Variants in MOV10L1 observed in about 807,000 individuals in gnomAD.
The protein encoded by MOV10L1 is RNA helicase Mov10l1.
Under a neutral mutation model 143.8 loss-of-function variants are expected in MOV10L1, and 110 were observed. That is an observed-to-expected ratio of 0.76 (90% CI 0.66 to 0.90). MOV10L1 has a LOEUF of 0.90. MOV10L1 is among the 40% of genes least tolerant of loss of function. MOV10L1 has a pLI of 0.00. For synonymous variants in MOV10L1, 593 were observed against 581.1 expected, an observed-to-expected ratio of 1.02 and a Z score of -0.29; for missense variants, 1,406 against 1,526.8, an observed-to-expected ratio of 0.92 and a Z score of 1.32.
At chr22:50,134,425 G>A (rs1164658717) in intron 14 of MOV10L1, 105 bp from the exon 15 acceptor site, 67 of 832,484 alleles carry the variant, frequency 8.0e-5, no homozygotes, top group South Asian at 1.3e-4. Flanking sequence ...AGAAAGGAAG[G>A]GAATAGAATA....
chr22:50,108,035 A>G (rs1275874464), intron 3 of MOV10L1, 101 bp from the exon 4 acceptor site: 2 of 1,064,982 alleles, frequency 1.9e-6, no homozygotes, highest in South Asian at 1.4e-5. Flanking sequence ...TAAATGTTCA[A>G]ATGTATCCTC....
rs1407656848 is a variant in MOV10L1, at chr22:50,090,077, C to T, written c.-12C>T. 1.0e-5 allele frequency: 13 copies of T among 1,252,858 alleles called. No individual in the cohort carries two copies. The highest frequency in any genetic ancestry group is 1.7e-5 in the African/African-American group (1 of 60,606). The allele number at this position is 1,252,858 out of a possible 1,614,324, so 77.6% of individuals were successfully genotyped here. A position where few individuals can be genotyped will look rare whatever the true frequency, so the allele number is the denominator to read the frequency against. ...CAGCGGCGGTGACGGCAGCCTAGGC[C>T]GGGCGAGGGCCATGCTGAGCCTCGC... is the stretch of plus-strand genomic sequence containing the variant. On this transcript the variant is annotated 5_prime_UTR_variant, in exon 1 of 27. Coordinates refer to ENST00000262794, the MANE Select transcript of MOV10L1 (RefSeq NM_018995.3).
intron 5 of MOV10L1, among the ~76,000 whole-genome samples, chr22:50,111,658 C>T (rs780743657): frequency 5.9e-5 from 9 of 151,966 alleles, no homozygotes; most frequent in Non-Finnish European, 1.2e-4. Flanking sequence ...CACCTGCCAC[C>T]ATGCCTGGCT....
At position 50,160,968 on chromosome 22, in the gene MOV10L1, C is replaced by T. The variant is rs2063545987; in HGVS notation, c.3467C>T (p.Pro1156Leu). The T allele has an allele frequency of 6.2e-7, 1 of 1,614,040 alleles. No homozygotes were observed. The highest frequency in any genetic ancestry group is 1.1e-5 in the South Asian group (1 of 91,082). The change falls in exon 26 of 27, where the codon CCC (proline) becomes CTC (leucine). Residue 1156 changes from proline (P) to leucine (L), a missense_variant. Around this residue, in one of 3 missense-constraint regions of MOV10L1, gnomAD observed 1,233 missense variants for 1,351.4 expected, o/e 0.91. Transcript: ENST00000262794. ...GCTAATTGTTATTGCCAACAGGACC[C>T]CTGTTTTGGTGCTTTGCTGGAATAC... ...LGNPHVLVRDPCFGALLEYSI... is the reference protein window; with the variant it reads ...LGNPHVLVRDLCFGALLEYSI...
At chr22:50,157,308 C>T (rs2063451500) in intron 22 of MOV10L1, among the ~76,000 whole-genome samples, 1 of 152,148 alleles carries the variant, frequency 6.6e-6, no homozygotes, top group African/African-American at 2.4e-5. Context: ...TTGTTGATTG[C>T]GTCCGTTGAT....
chr22:50,154,807 A>G (rs1483746353), intron 22 of MOV10L1, among the ~76,000 whole-genome samples: 3 of 152,188 alleles, frequency 2.0e-5, no homozygotes, highest in African/African-American at 7.2e-5. Flanking sequence ...TCATTATGTA[A>G]TATCCTTCCA....
chr22:50,117,902 C>T (rs138223), intron 9 of MOV10L1, among the ~76,000 whole-genome samples: 31,755 of 152,022 alleles, frequency 0.21, 4,099 homozygotes, highest in Non-Finnish European at 0.29. Context: ...TTCACATCCA[C>T]GTGTTCTCTT....
rs13058235 is a variant in MOV10L1, at chr22:50,090,068, A to G, written c.-21A>G. Reference sequence around the variant, plus strand: ...GGGCGGCGGCAGCGGCGGTGACGGCAGCCTAGGCCGGGCGAGGGCCATGCT... The same window carrying G: ...GGGCGGCGGCAGCGGCGGTGACGGCGGCCTAGGCCGGGCGAGGGCCATGCT... On this transcript the variant is annotated 5_prime_UTR_variant, in exon 1 of 27. Transcript: ENST00000262794. The G allele has an allele frequency of 8.7e-4, 1,078 of 1,240,458 alleles. 3 individuals are homozygous for G. The highest frequency in any genetic ancestry group is 2.6e-3 in the Middle Eastern group (9 of 3,438). 76.8% of individuals were successfully genotyped at this position (1,240,458 alleles called of 1,614,324 possible).
chr22:50,117,249 A>G lies in MOV10L1; in HGVS notation c.1352A>G (p.Glu451Gly), dbSNP rs748778940. ...GAAGTAAATGTTATCAGTGGGGAGG[A>G]GTCACTAATTGCTGCGCGCGAACCA... ...YLEVNVISGE[E>G]SLIAAREPFS... Residue 451 changes from glutamate to glycine, a missense_variant, in exon 9 of 27, where the codon GAG becomes GGG. Around this residue, in one of 3 missense-constraint regions of MOV10L1, gnomAD observed 1,233 missense variants for 1,351.4 expected, o/e 0.91. Coordinates refer to ENST00000262794, the MANE Select transcript of MOV10L1 (RefSeq NM_018995.3). 1.2e-6 allele frequency: 2 copies of G among 1,614,060 alleles called. No homozygotes were observed. The highest frequency in any genetic ancestry group is 3.3e-5 in the Admixed American group (2 of 60,000).
intron 22 of MOV10L1, among the ~76,000 whole-genome samples, chr22:50,154,235 C>T (rs1427359213): frequency 1.3e-5 from 2 of 152,098 alleles, no homozygotes; most frequent in Non-Finnish European, 2.9e-5. Flanking sequence ...TAGCTCTGCC[C>T]ATCCTCAGAA....
intron 19 of MOV10L1, among the ~76,000 whole-genome samples, chr22:50,146,706 C>T (rs1383716783): frequency 1.3e-5 from 2 of 152,030 alleles, no homozygotes; most frequent in Non-Finnish European, 2.9e-5. Flanking sequence ...TCACGGTGGT[C>T]GTGAGGGTGA....
intron 24 of MOV10L1, 99 bp from the exon 25 acceptor site, chr22:50,160,589 C>A: frequency 7.0e-7 from 1 of 1,423,366 alleles, no homozygotes. Context: ...GGTCATTCTG[C>A]TATTTAACAT....
intron 4 of MOV10L1, 85 bp from the exon 5 acceptor site, chr22:50,108,572 T>C: frequency 6.8e-7 from 1 of 1,462,930 alleles, no homozygotes; most frequent in Non-Finnish European, 9.4e-7. Flanking sequence ...CTTGTGTGCT[T>C]TGGGCTGACT....
chr22:50,144,377 G>A, intron 18 of MOV10L1, 134 bp downstream of exon 18: 2 of 1,122,354 alleles, frequency 1.8e-6, no homozygotes, highest in Non-Finnish European at 2.4e-6. Flanking sequence ...TTGAGAAATG[G>A]CTCTGCCATG....
In MOV10L1 at chr22:50,114,604, A is replaced by G. The variant is rs200879347; in HGVS notation, c.1108A>G (p.Asn370Asp). Residue 370 changes from asparagine (N) to aspartate (D), a missense_variant, in exon 7 of 27, where the codon AAC (asparagine) becomes GAC (aspartate). Physicochemically the swap from Asn to Asp is conservative, Grantham distance 23. Transcript: ENST00000262794. ...SQMSESSLVN[N>D]RGISPGDCTC... is the part of the protein sequence containing the mutation. Reference sequence around the variant, plus strand: ...GATGTCGGAGAGCAGTTTGGTGAACAACAGAGGAATCTCTCCAGGTAGTGG... The same window carrying G: ...GATGTCGGAGAGCAGTTTGGTGAACGACAGAGGAATCTCTCCAGGTAGTGG... 3.5e-5 allele frequency: 56 copies of G among 1,614,064 alleles called. No individual in the cohort carries two copies. The highest frequency in any genetic ancestry group is 5.0e-5 in the Admixed American group (3 of 59,994).
At chr22:50,132,537 T>C (rs918914645) in intron 13 of MOV10L1, among the ~76,000 whole-genome samples, 5 of 143,550 alleles carry the variant, frequency 3.5e-5, no homozygotes, top group African/African-American at 1.3e-4. Flanking sequence ...CTTTTGTCAG[T>C]TATACCTATT....
intron 10 of MOV10L1, among the ~76,000 whole-genome samples, chr22:50,121,962 T>A (rs1435952956): frequency 6.6e-6 from 1 of 151,998 alleles, no homozygotes; most frequent in African/African-American, 2.4e-5. Flanking sequence ...GCATTGGAAT[T>A]TTTTTTCCCC....
intron 19 of MOV10L1, among the ~76,000 whole-genome samples, chr22:50,146,613 C>T (rs1030687415): frequency 2.6e-5 from 4 of 151,950 alleles, no homozygotes; most frequent in African/African-American, 9.7e-5. Flanking sequence ...GGAGACAGGT[C>T]GCTCTGAACA....
At chr22:50,146,486 G>A (rs897971535) in intron 19 of MOV10L1, among the ~76,000 whole-genome samples, 1 of 152,126 alleles carries the variant, frequency 6.6e-6, no homozygotes, top group Non-Finnish European at 1.5e-5. Flanking sequence ...GGGTCGGGGA[G>A]GCAGCAGGCA....
Sources: gnomAD v4.1 joint callset for allele counts (sites outside exome capture counted in the v4.1 genomes callset) on GRCh38, gnomAD v4.1.1 for gene constraint, gnomAD v4.1.1 regional missense constraint, MANE v1.5 for transcripts, NCBI Gene and HGNC (gene_info 2026-07-23, HGNC 2026-07-21) for gene names.